FCHSD2: variants seen among roughly 807,000 people sequenced by gnomAD.
The protein encoded by FCHSD2 is FCH and double SH3 domains 2.
In FCHSD2, 38 loss-of-function variants were observed where a neutral mutation model predicts 108.1. That is an observed-to-expected ratio of 0.35 (90% CI 0.27 to 0.46). The LOEUF is 0.46. FCHSD2 is among the 20% of genes least tolerant of loss of function. The pLI, the probability that FCHSD2 is intolerant of heterozygous loss-of-function variation, is 1.00. For missense variants in FCHSD2, 751 were observed against 897.8 expected (o/e 0.84, Z 2.09); for synonymous variants, 279 against 314.7 (o/e 0.89, Z 1.20).
At chr11:72,893,676 C>T (rs1385706052) in intron 10 of FCHSD2, among the ~76,000 whole-genome samples, 2 of 151,324 alleles carry the variant, frequency 1.3e-5, no homozygotes, top group East Asian at 2.0e-4. Flanking sequence ...GGCGTGGTGG[C>T]GCCGGAGGTT....
chr11:73,121,875 T>A (rs935814401), intron 2 of FCHSD2, among the ~76,000 whole-genome samples: 1 of 152,208 alleles, frequency 6.6e-6, no homozygotes, highest in Non-Finnish European at 1.5e-5. Flanking sequence ...AACTGCATTT[T>A]TAACAAGTTC....
At chr11:73,079,055 T>C (rs1190785032) in intron 3 of FCHSD2, among the ~76,000 whole-genome samples, 1 of 152,064 alleles carries the variant, frequency 6.6e-6, no homozygotes, top group Admixed American at 6.6e-5. Flanking sequence ...TGGATAATAG[T>C]TTACATGAGT....
chr11:73,107,847 G>C (rs566540582), intron 2 of FCHSD2, among the ~76,000 whole-genome samples: 1 of 152,042 alleles, frequency 6.6e-6, no homozygotes, highest in Non-Finnish European at 1.5e-5. Flanking sequence ...CCATTTATCT[G>C]CTGATGGACA....
intron 2 of FCHSD2, among the ~76,000 whole-genome samples, chr11:73,086,333 C>T (rs2135517286): frequency 6.6e-6 from 1 of 152,232 alleles, no homozygotes; most frequent in Admixed American, 6.5e-5. Flanking sequence ...TGCTTGAACC[C>T]AGAGGTGGGG....
intron 8 of FCHSD2, among the ~76,000 whole-genome samples, chr11:72,941,460 A>G (rs1233914572): frequency 6.6e-6 from 1 of 150,674 alleles, no homozygotes; most frequent in Non-Finnish European, 1.5e-5. Context: ...TGCTTAGTAT[A>G]AAATATAGAC....
intron 8 of FCHSD2, among the ~76,000 whole-genome samples, chr11:72,935,716 G>A (rs1169151492): frequency 6.6e-6 from 1 of 152,136 alleles, no homozygotes. Flanking sequence ...TTGATATAAA[G>A]TAAAATCAGA....
chr11:72,907,598 G>GTTTTTTTTTT (rs200788964), intron 9 of FCHSD2, among the ~76,000 whole-genome samples: 1 of 72,714 alleles, frequency 1.4e-5, no homozygotes, highest in Non-Finnish European at 2.4e-5. Context: ...TAATCACGTG[G>GTTTTTTTTTT]GTTTTTTTTT....
chr11:73,050,645 G>C (rs1858877753), intron 3 of FCHSD2, among the ~76,000 whole-genome samples: 2 of 152,124 alleles, frequency 1.3e-5, no homozygotes, highest in African/African-American at 4.8e-5. Context: ...CCTTAAACAA[G>C]CCTTTCCATA....
At chr11:73,106,840 C>A (rs1384200437) in intron 2 of FCHSD2, among the ~76,000 whole-genome samples, 1 of 152,054 alleles carries the variant, frequency 6.6e-6, no homozygotes, top group African/African-American at 2.4e-5. Context: ...AGGCTACGCA[C>A]TCTAAGTTTG....
chr11:73,031,940 T>C (rs1858370833), intron 3 of FCHSD2, among the ~76,000 whole-genome samples: 1 of 152,222 alleles, frequency 6.6e-6, no homozygotes, highest in Admixed American at 6.5e-5. Flanking sequence ...TCTTCTGGTA[T>C]GTATATTCTG....
intron 13 of FCHSD2, among the ~76,000 whole-genome samples, chr11:72,856,679 C>T (rs772930234): frequency 3.0e-4 from 46 of 152,290 alleles, no homozygotes; most frequent in Middle Eastern, 3.4e-3. Flanking sequence ...CTATCTCTTA[C>T]AAATTATTCA....
At chr11:72,958,242 G>A (rs1198838261) in intron 8 of FCHSD2, among the ~76,000 whole-genome samples, 1 of 152,206 alleles carries the variant, frequency 6.6e-6, no homozygotes, top group Non-Finnish European at 1.5e-5. Flanking sequence ...TTCTGGCCAG[G>A]TGCAGTGGCT....
intron 12 of FCHSD2, among the ~76,000 whole-genome samples, chr11:72,875,395 C>T (rs997619263): frequency 6.6e-6 from 1 of 152,190 alleles, no homozygotes; most frequent in African/African-American, 2.4e-5. Context: ...CAGAGTCTCG[C>T]TCTGCTGCCC....
intron 5 of FCHSD2, among the ~76,000 whole-genome samples, chr11:72,993,805 G>T (rs1324862544): frequency 6.6e-6 from 1 of 152,010 alleles, no homozygotes; most frequent in Non-Finnish European, 1.5e-5. Flanking sequence ...TATACCTAAT[G>T]TTAAATGACG....
chr11:72,887,659 G>A (rs7129851), intron 11 of FCHSD2, 85 bp from the exon 12 acceptor site: 864,979 of 865,678 alleles, frequency 1, 432,143 homozygotes, highest in East Asian at 1. Flanking sequence ...ATAATTCAAA[G>A]GGCTTTAGTG....
intron 4 of FCHSD2, among the ~76,000 whole-genome samples, chr11:73,015,152 C>T (rs1221057196): frequency 1.3e-5 from 2 of 152,112 alleles, no homozygotes; most frequent in African/African-American, 4.8e-5. Flanking sequence ...CCAAAAGAAA[C>T]CAAATTCTAA....
At chr11:72,947,646 G>C (rs1326651598) in intron 8 of FCHSD2, among the ~76,000 whole-genome samples, 1 of 152,020 alleles carries the variant, frequency 6.6e-6, no homozygotes, top group Non-Finnish European at 1.5e-5. Flanking sequence ...ACATTCTGTT[G>C]GAACAGCCCT....
rs1467400607 is a variant in FCHSD2, at chr11:72,902,540, T to C, written c.924+3A>G. On this transcript the variant is annotated splice_donor_region_variant and intron_variant, in intron 10 of 19. Transcript: ENST00000409418. ...ATGAAATGAAAATCTATAATTCCCT[T>C]ACAGTATCACTGTCACAAGGCTGGA... 1 of 1,557,590 alleles carries C rather than the reference T, an allele frequency of 6.4e-7. No individual in the cohort carries two copies. The highest frequency in any genetic ancestry group is 1.2e-5 in the South Asian group (1 of 84,642).
chr11:73,042,762 G>A (rs938769734), intron 3 of FCHSD2, among the ~76,000 whole-genome samples: 2 of 151,788 alleles, frequency 1.3e-5, no homozygotes, highest in Admixed American at 6.6e-5. Flanking sequence ...TTTGTTGTAG[G>A]TCTTTCATCT....
Sources: allele counts gnomAD v4.1 joint callset (sites outside exome capture counted in the v4.1 genomes callset), GRCh38; gene constraint gnomAD v4.1.1; transcripts MANE v1.5; gene names NCBI Gene and HGNC (gene_info 2026-07-23, HGNC 2026-07-21).